The following ATAD5 variants were observed in gnomAD, a reference collection of about 807,000 sequenced individuals.
The protein encoded by ATAD5 is ATPase family AAA domain-containing protein 5.
A neutral mutation model predicts 176.9 loss-of-function variants in ATAD5; 58 were observed. The ratio of observed to expected loss-of-function variants is 0.33; its 90% CI spans 0.27 to 0.41. ATAD5 has a LOEUF of 0.41. ATAD5 is among the 10% of genes least tolerant of loss of function. ATAD5 has a pLI of 1.00. For synonymous variants in ATAD5, 640 were observed against 712.6 expected (o/e 0.90, Z 1.62); for missense variants, 1,789 against 2,094.1 (o/e 0.85, Z 2.84).
chr17:30,846,834 C>T (rs1014233391), intron 6 of ATAD5, among the ~76,000 whole-genome samples: 54 of 151,672 alleles, frequency 3.6e-4, no homozygotes, highest in Non-Finnish European at 6.8e-4. Flanking sequence ...GATTCTTCTG[C>T]CTCAGCTTCC....
chr17:30,849,396 G>A (rs887317712), intron 6 of ATAD5, among the ~76,000 whole-genome samples: 2 of 152,184 alleles, frequency 1.3e-5, no homozygotes, highest in African/African-American at 2.4e-5. Flanking sequence ...GCACCCAGCT[G>A]TTTGCAATTT....
rs567874548 is a variant in ATAD5 at position 30,839,711 on chromosome 17, C to T, written c.2077-906C>T. Among the ~76,000 whole-genome samples the T allele has an allele frequency of 8.1e-5, 12 of 147,420 alleles. No homozygotes were observed. In the East Asian group the frequency reaches 2.3e-3, roughly 28 times the overall value. On this transcript the variant is annotated intron_variant, in intron 3 of 22. Transcript: ENST00000321990. ...TTCTCCTGCCTCAGCCGCCCCAAGT[C>T]GTTGGGATTACAGACGCCCGCCACC... is the stretch of plus-strand genomic sequence containing the variant.
At chr17:30,861,344 CT>C (rs1422210200) in intron 10 of ATAD5, among the ~76,000 whole-genome samples, 3 of 151,578 alleles carry the variant, frequency 2.0e-5, no homozygotes, top group African/African-American at 7.3e-5. Flanking sequence ...TGTTTTTTAA[CT>C]TTTCATTCTT....
At chr17:30,876,199 GAATA>G (rs1164580480) in intron 14 of ATAD5, among the ~76,000 whole-genome samples, 171 bp from the exon 15 acceptor site, 6 of 151,992 alleles carry the variant, frequency 3.9e-5, no homozygotes, top group Non-Finnish European at 7.4e-5. Flanking sequence ...TGTACTGGTA[GAATA>G]AATAAATATA....
chr17:30,874,688 T>C (rs1408374228), intron 14 of ATAD5, among the ~76,000 whole-genome samples: 2 of 150,612 alleles, frequency 1.3e-5, no homozygotes, highest in Admixed American at 6.7e-5. Flanking sequence ...AGCAGTGCAG[T>C]GGAGCGATCT....
intron 2 of ATAD5, among the ~76,000 whole-genome samples, chr17:30,836,819 C>T (rs1445963650): frequency 6.6e-6 from 1 of 152,152 alleles, no homozygotes. Flanking sequence ...CTGCCTGCCT[C>T]GGCCTCCCAA....
chr17:30,855,043 G>A (rs1907209798), intron 6 of ATAD5, 100 bp from the exon 7 acceptor site: 2 of 1,114,894 alleles, frequency 1.8e-6, no homozygotes, highest in African/African-American at 1.6e-5. Flanking sequence ...ACAGGCATGA[G>A]CCACCATGCC....
At chr17:30,851,975 C>T (rs562038329) in intron 6 of ATAD5, among the ~76,000 whole-genome samples, 2 of 152,320 alleles carry the variant, frequency 1.3e-5, no homozygotes, top group South Asian at 4.1e-4. Context: ...GAGCCACCCA[C>T]CTGGCCAAAT....
chr17:30,844,981 T>A (rs1323341166), intron 6 of ATAD5, 65 bp downstream of exon 6: 40 of 1,332,672 alleles, frequency 3.0e-5, no homozygotes, highest in Non-Finnish European at 3.9e-5. Context: ...TTGATGTGTT[T>A]ACTTTGATGA....
rs908365377 is a variant in ATAD5, at chr17:30,893,742, C to G, written c.4889C>G (p.Pro1630Arg). ...PETKKSIPCP[P>R]KTTAGKKCSA... ...ACAAAGAAATCTATTCCTTGTCCTC[C>G]TAAAACAACTGCAGGAAAAAAATGT... is the stretch of plus-strand genomic sequence containing the variant. Residue 1630 changes from proline to arginine, a missense_variant, in exon 21 of 23, where the codon CCT becomes CGT. Pro to Arg is a moderately radical substitution (Grantham distance 103). Around this residue, in one of 6 missense-constraint regions of ATAD5, gnomAD observed 403 missense variants for 495.1 expected, o/e 0.81. Transcript: ENST00000321990. 3 of 1,613,914 alleles carry G rather than the reference C, an allele frequency of 1.9e-6. No homozygotes were observed. The highest frequency in any genetic ancestry group is 2.5e-6 in the Non-Finnish European group (3 of 1,179,960).
intron 19 of ATAD5, among the ~76,000 whole-genome samples, chr17:30,888,881 C>T (rs60327466): frequency 0.1 from 15,936 of 151,916 alleles, 951 homozygotes; most frequent in South Asian, 0.24. Flanking sequence ...TCCTGGCCAA[C>T]ATGGTGAAAC....
In ATAD5 at chr17:30,856,993, C is replaced by T. The variant is rs756799512; in HGVS notation, c.2674C>T (p.Leu892Phe). The change falls in exon 8 of 23, where the codon CTC becomes TTC. Residue 892 changes from leucine to phenylalanine, a missense_variant. Coordinates refer to ENST00000321990, the MANE Select transcript of ATAD5 (RefSeq NM_024857.5). ...LWHLKPPSCP[L>F]LTKFKELNTK... ...GCATTTGAAACCACCCTCTTGTCCT[C>T]TCTTAACTAAATTTAAAGAACTGAA... The T allele has an allele frequency of 2.5e-6, 4 of 1,604,922 alleles. No individual in the cohort carries two copies. In the South Asian group the frequency reaches 4.5e-5, roughly 18 times the overall value.
intron 17 of ATAD5, 47 bp downstream of exon 17, chr17:30,878,143 T>C: frequency 7.2e-6 from 9 of 1,245,998 alleles, no homozygotes; most frequent in African/African-American, 3.0e-5. Flanking sequence ...CTCAAATCTG[T>C]AGTTCATCTG....
At chr17:30,884,840 T>C (rs1909227991) in intron 18 of ATAD5, among the ~76,000 whole-genome samples, 1 of 148,712 alleles carries the variant, frequency 6.7e-6, no homozygotes, top group South Asian at 2.2e-4. Flanking sequence ...CTCCGCCTCC[T>C]GGGTTCACGC....
chr17:30,832,405 G>A lies in ATAD5; in HGVS notation c.58G>A (p.Glu20Lys). ...AAAPPPVKDC[E>K]IEPCKKRKKD... ...TGCTCCGCCTCCCGTGAAGGACTGC[G>A]AGATTGAGGTGAGGTTGAGTCGAGG... is the stretch of plus-strand genomic sequence containing the variant. The change falls in exon 1 of 23, where the codon GAG (glutamate) becomes AAG (lysine). Residue 20 changes from glutamate (E) to lysine (K), a missense_variant. By Grantham distance (56) the Glu-to-Lys change is moderately conservative. This residue lies in a region of ATAD5 where 696 missense variants were observed against 712.5 expected (regional missense o/e 0.98). Coordinates refer to ENST00000321990, the MANE Select transcript of ATAD5 (RefSeq NM_024857.5). 1 of 1,563,984 alleles carries A rather than the reference G, an allele frequency of 6.4e-7. No individual in the cohort carries two copies. Among genetic ancestry groups the A allele is most frequent in the Non-Finnish European group, 8.7e-7 (1 of 1,154,128 alleles).
At position 30,832,120 on chromosome 17, in the gene ATAD5, G is replaced by A; in HGVS notation, c.-228G>A. 2.5e-6 allele frequency: 1 copy of A among 397,568 alleles called. No homozygotes were observed. Among genetic ancestry groups the A allele is most frequent in the African/African-American group, 2.1e-5 (1 of 48,514 alleles). 24.6% of individuals were successfully genotyped at this position (397,568 alleles called of 1,614,324 possible). On this transcript the variant is annotated 5_prime_UTR_variant, in exon 1 of 23. Coordinates refer to ENST00000321990, the MANE Select transcript of ATAD5 (RefSeq NM_024857.5). ...CCTGCATACACTGGCCGCGCCTCAG[G>A]GATCTCATTGCCCGCGCTTTCTCAT... is the stretch of plus-strand genomic sequence containing the variant.
chr17:30,884,424 C>CTTTTTTTTTTTTTTTTTTTTTTTTTT (rs61664127), intron 18 of ATAD5, among the ~76,000 whole-genome samples: 1 of 80,966 alleles, frequency 1.2e-5, no homozygotes, highest in Non-Finnish European at 2.2e-5. Flanking sequence ...CTTTTCTTTT[C>CTTTTTTTTTTTTTTTTTTTTTTTTTT]TTTTTTTTTT....
At chr17:30,887,679 TG>T (rs1909395899) in intron 19 of ATAD5, among the ~76,000 whole-genome samples, 1 of 152,010 alleles carries the variant, frequency 6.6e-6, no homozygotes. Context: ...CTGCGCAGGG[TG>T]GCATGTGCCT....
chr17:30,874,922 C>T (rs1442057375), intron 14 of ATAD5, among the ~76,000 whole-genome samples: 2 of 151,988 alleles, frequency 1.3e-5, no homozygotes, highest in Admixed American at 6.6e-5. Context: ...AGCCACTGTG[C>T]CCTGCCAAAT....
Sources: gnomAD v4.1 joint callset for allele counts (sites outside exome capture counted in the v4.1 genomes callset) on GRCh38, gnomAD v4.1.1 for gene constraint, gnomAD v4.1.1 regional missense constraint, MANE v1.5 for transcripts, NCBI Gene and HGNC (gene_info 2026-07-23, HGNC 2026-07-21) for gene names.